LTBP1: variants seen among roughly 807,000 people sequenced by gnomAD.
LTBP1 encodes the protein latent transforming growth factor beta binding protein 1.
LTBP1 carries 129 observed loss-of-function variants against 207.6 expected under a neutral mutation model. The observed-to-expected ratio is 0.62, with a 90% confidence interval of 0.54 to 0.72. The LOEUF is 0.72. Among genes scored for constraint, LTBP1 ranks in the 30% least tolerant of loss-of-function variants. LTBP1 has a pLI of 0.00. For synonymous variants in LTBP1, 963 were observed against 833.7 expected, an observed-to-expected ratio of 1.16 and a Z score of -2.67; for missense variants, 2,281 against 2,217.2, an observed-to-expected ratio of 1.03 and a Z score of -0.58.
intron 7 of LTBP1, among the ~76,000 whole-genome samples, chr2:33,201,934 C>T (rs2089331400): frequency 6.6e-6 from 1 of 151,574 alleles, no homozygotes; most frequent in South Asian, 2.1e-4. Context: ...CAGAATGGAC[C>T]ATTGGAGAAC....
At chr2:33,015,190 T>A (rs1464859347) in intron 2 of LTBP1, among the ~76,000 whole-genome samples, 1 of 152,230 alleles carries the variant, frequency 6.6e-6, no homozygotes, top group African/African-American at 2.4e-5. Context: ...TGAACCTGTT[T>A]CTATCTGTAA....
intron 10 of LTBP1, among the ~76,000 whole-genome samples, chr2:33,247,340 T>C (rs1444368799): frequency 6.6e-6 from 1 of 152,214 alleles, no homozygotes; most frequent in African/African-American, 2.4e-5. Context: ...AAACTAAAGC[T>C]AGGAAAGTTT....
chr2:33,032,422 C>T (rs1181867345), intron 3 of LTBP1, among the ~76,000 whole-genome samples: 4 of 152,184 alleles, frequency 2.6e-5, no homozygotes, highest in Admixed American at 1.3e-4. Flanking sequence ...CTACCCCTAT[C>T]GATATCAACT....
intron 3 of LTBP1, among the ~76,000 whole-genome samples, chr2:33,063,984 G>A (rs978964882): frequency 1.3e-5 from 2 of 151,912 alleles, no homozygotes; most frequent in Admixed American, 6.6e-5. Flanking sequence ...CTCCTGAGTA[G>A]CTGAGACTAC....
intron 24 of LTBP1, among the ~76,000 whole-genome samples, chr2:33,341,758 A>G (rs2094628167): frequency 6.8e-6 from 1 of 146,720 alleles, no homozygotes; most frequent in South Asian, 2.1e-4. Context: ...ATATTTATAT[A>G]TAAAAATAAT....
chr2:33,122,858 CTG>C (rs746372042), intron 4 of LTBP1, among the ~76,000 whole-genome samples: 54 of 152,298 alleles, frequency 3.5e-4, no homozygotes, highest in Non-Finnish European at 6.6e-4. Context: ...CTCCTTCTTG[CTG>C]TACACAACCG....
At chr2:33,153,876 C>T (rs556017094) in intron 5 of LTBP1, among the ~76,000 whole-genome samples, 1,717 of 145,142 alleles carry the variant, frequency 0.012, 37 homozygotes, top group African/African-American at 0.042. Flanking sequence ...GTCCCCAGAG[C>T]GGCATCATTG....
At chr2:33,265,668 G>T (rs1558913091) in intron 15 of LTBP1, among the ~76,000 whole-genome samples, 1 of 152,048 alleles carries the variant, frequency 6.6e-6, no homozygotes, top group Non-Finnish European at 1.5e-5. Context: ...AATGCTGGGA[G>T]AAAATACACT....
intron 3 of LTBP1, among the ~76,000 whole-genome samples, chr2:33,053,741 G>A (rs190934557): frequency 5.1e-4 from 77 of 152,236 alleles, no homozygotes; most frequent in African/African-American, 1.8e-3. Flanking sequence ...CTAAGATTAG[G>A]CCTAGATATT....
At chr2:33,262,994 T>A (rs188977140) in intron 14 of LTBP1, among the ~76,000 whole-genome samples, 173 bp downstream of exon 14, 28 of 151,468 alleles carry the variant, frequency 1.8e-4, no homozygotes, top group African/African-American at 5.9e-4. Context: ...ATTGTAAGGA[T>A]TGTAGTGGGA....
At chr2:33,296,554 A>G (rs1382156419) in intron 20 of LTBP1, among the ~76,000 whole-genome samples, 1 of 152,124 alleles carries the variant, frequency 6.6e-6, no homozygotes, top group African/African-American at 2.4e-5. Context: ...CAGACTCTCT[A>G]ATGGGATGCT....
chr2:33,208,865 ATTTT>A (rs3053310), intron 7 of LTBP1, among the ~76,000 whole-genome samples: 1 of 112,984 alleles, frequency 8.9e-6, no homozygotes, highest in Non-Finnish European at 1.7e-5. Flanking sequence ...TCTTGCTACT[ATTTT>A]TTTTTTTTTT....
chr2:33,150,710 C>CTTTTTT (rs1176008947), intron 5 of LTBP1, among the ~76,000 whole-genome samples: 1,038 of 69,386 alleles, frequency 0.015, 9 homozygotes, highest in Non-Finnish European at 0.018. Context: ...TTTTCTTTTT[C>CTTTTTT]TTTTTTTTTT....
chr2:33,213,795 G>C (rs2090488274), intron 7 of LTBP1, among the ~76,000 whole-genome samples: 1 of 152,142 alleles, frequency 6.6e-6, no homozygotes, highest in Non-Finnish European at 1.5e-5. Flanking sequence ...ATACTGTGCA[G>C]ACCCAGTTTC....
intron 3 of LTBP1, among the ~76,000 whole-genome samples, chr2:33,099,983 C>T (rs1163201920): frequency 6.6e-6 from 1 of 152,090 alleles, no homozygotes; most frequent in Non-Finnish European, 1.5e-5. Context: ...CATTAGGGTG[C>T]GAGGTGGAGA....
chr2:33,182,735 CAG>C (rs1264813815), intron 5 of LTBP1, among the ~76,000 whole-genome samples: 1,666 of 84,414 alleles, frequency 0.02, 195 homozygotes, highest in East Asian at 0.051. Context: ...CACACACACA[CAG>C]ACATATATAT....
chr2:33,297,462 C>T (rs977260000), intron 20 of LTBP1, among the ~76,000 whole-genome samples: 1 of 151,484 alleles, frequency 6.6e-6, no homozygotes. Flanking sequence ...GATGGAGTCT[C>T]GCTTTGTCGC....
At chr2:32,951,081 C>T (rs1677030837) in intron 2 of LTBP1, among the ~76,000 whole-genome samples, 1 of 152,184 alleles carries the variant, frequency 6.6e-6, no homozygotes, top group Non-Finnish European at 1.5e-5. Flanking sequence ...ACTTACAGGG[C>T]TCTAGAGGAA....
At chr2:32,969,127 T>C (rs950312330) in intron 2 of LTBP1, among the ~76,000 whole-genome samples, 7 of 151,830 alleles carry the variant, frequency 4.6e-5, no homozygotes, top group Admixed American at 3.9e-4. Context: ...GGTTTCACCA[T>C]GTTGGCCAGG....
Sources: allele counts gnomAD v4.1 joint callset (sites outside exome capture counted in the v4.1 genomes callset), GRCh38; gene constraint gnomAD v4.1.1; transcripts MANE v1.5; gene names NCBI Gene and HGNC (gene_info 2026-07-23, HGNC 2026-07-21).